MOV10L1: variants seen among roughly 807,000 people sequenced by gnomAD.
MOV10L1 encodes the protein Mov10 like RNA helicase 1, also known as RNA helicase Mov10l1.
MOV10L1 carries 110 observed loss-of-function variants against 143.8 expected under a neutral mutation model. The observed-to-expected ratio is 0.76, with a 90% CI of 0.66 to 0.90. The LOEUF is 0.90. Ranked by LOEUF, MOV10L1 falls within the 40% of genes least tolerant of loss-of-function variation. The probability of loss-of-function intolerance (pLI) is 0.00; values close to 1 mark genes in which losing one functional copy is unlikely to be tolerated. For missense variants in MOV10L1, 1,406 were observed against 1,526.8 expected (o/e 0.92, Z 1.32); for synonymous variants, 593 against 581.1 (o/e 1.02, Z -0.29).
At chr22:50,097,679 GGAGGTAT>G (rs2062623454) in intron 2 of MOV10L1, among the ~76,000 whole-genome samples, 1 of 152,134 alleles carries the variant, frequency 6.6e-6, no homozygotes, top group South Asian at 2.1e-4. Context: ...TTTGAAATCA[GGAGGTAT>G]GAAACCTTCA....
intron 17 of MOV10L1, 183 bp downstream of exon 17, chr22:50,143,404 A>C (rs2063046523): frequency 1.4e-6 from 1 of 697,392 alleles, no homozygotes; most frequent in Non-Finnish European, 2.4e-6. Context: ...AGCTTATTTC[A>C]TAGGTTTAGA....
At chr22:50,150,383 C>T (rs1045827974) in intron 20 of MOV10L1, among the ~76,000 whole-genome samples, 1 of 152,192 alleles carries the variant, frequency 6.6e-6, no homozygotes, top group African/African-American at 2.4e-5. Context: ...GGGCAAGAGG[C>T]AAGGGGCAGG....
chr22:50,115,418 A>T (rs1434878921), intron 8 of MOV10L1, among the ~76,000 whole-genome samples, 172 bp downstream of exon 8: 2 of 152,110 alleles, frequency 1.3e-5, no homozygotes, highest in South Asian at 2.1e-4. Flanking sequence ...TACAAAAATT[A>T]CTTGGGCCCC....
rs976855977 is a variant in MOV10L1 at position 50,160,627 on chromosome 22, T to G, written c.3325-61T>G. The stretch of plus-strand genomic sequence containing the variant: ...TTAAATGTTTTTATATATCAAGAGT[T>G]TCTCTTCATGCCCCCCAAAAACTTC... On this transcript the variant is annotated intron_variant, in intron 24 of 26. Coordinates refer to ENST00000262794, the MANE Select transcript of MOV10L1 (RefSeq NM_018995.3). 2.6e-5 allele frequency: 40 copies of G among 1,550,910 alleles called. No individual in the cohort carries two copies. The African/African-American group carries it at 5.4e-4, about 21-fold the overall frequency.
chr22:50,128,523 A>C lies in MOV10L1; in HGVS notation c.1910+16A>C, dbSNP rs781236274. 1.7e-5 allele frequency: 14 copies of C among 809,282 alleles called. No homozygotes were observed. Among genetic ancestry groups the C allele is most frequent in the Non-Finnish European group, 2.8e-5 (14 of 493,760 alleles). The allele number at this position is 809,282 out of a possible 1,614,324, so 50.1% of individuals were successfully genotyped here. On this transcript the variant is annotated intron_variant, in intron 13 of 26. Coordinates refer to ENST00000262794, the MANE Select transcript of MOV10L1 (RefSeq NM_018995.3). ...CATATAATAGGTAATGCTTTTAGTGAGTCTTCTTTCAAATGTCTTTTTTTT... is the reference window on the plus strand; with the variant it reads ...CATATAATAGGTAATGCTTTTAGTGCGTCTTCTTTCAAATGTCTTTTTTTT...
At chr22:50,105,348 T>C (rs565151686) in intron 3 of MOV10L1, among the ~76,000 whole-genome samples, 42 of 152,334 alleles carry the variant, frequency 2.8e-4, no homozygotes, top group African/African-American at 8.4e-4. Flanking sequence ...GTGTAGGCCT[T>C]CTCAGCGTCT....
intron 2 of MOV10L1, chr22:50,093,031 G>C (rs1667944432): frequency 6.6e-6 from 1 of 151,918 alleles, no homozygotes; most frequent in Non-Finnish European, 1.5e-5. Flanking sequence ...CTCCTGAGTA[G>C]CTGGGACTAC....
chr22:50,128,540 CTTTT>C (rs36022529), intron 13 of MOV10L1, 33 bp downstream of exon 13: 3,764 of 482,708 alleles, frequency 7.8e-3, no homozygotes, highest in East Asian at 0.017. Context: ...TTTCAAATGT[CTTTT>C]TTTTTTTTTT....
rs2062389052 is a variant in MOV10L1 at position 50,090,188 on chromosome 22, G to A, written c.97+3G>A. 7 of 1,417,150 alleles carry A rather than the reference G, an allele frequency of 4.9e-6. No homozygotes were observed. Among genetic ancestry groups the A allele is most frequent in the Non-Finnish European group, 6.4e-6 (7 of 1,086,768 alleles). The allele number at this position is 1,417,150 out of a possible 1,614,324, so 87.8% of individuals were successfully genotyped here. On this transcript the variant is annotated splice_donor_region_variant and intron_variant, in intron 1 of 26. Transcript: ENST00000262794. ...GCTGGAGCCCGAGCTCGCGGAAGGT[G>A]GCTCGCGGGAGGCGGCTGGGAGGCG...
In MOV10L1 at chr22:50,144,102, C is replaced by T; in HGVS notation, c.2364C>T (p.His788=). Residue 788 remains histidine, a synonymous_variant, in exon 18 of 27, where the codon CAC becomes CAT. Transcript: ENST00000262794. ...VTIIEAVLQV[H]FALPDSRILV... ...CTTGTGTGTCTTTGATGAAGGTACA[C>T]TTTGCCTTGCCGGACAGTCGGATTT... 6.2e-7 allele frequency: 1 copy of T among 1,608,670 alleles called. No individual in the cohort carries two copies. Among genetic ancestry groups the T allele is most frequent in the Middle Eastern group, 1.7e-4 (1 of 6,040 alleles).
At chr22:50,132,586 C>T (rs1263318020) in intron 13 of MOV10L1, among the ~76,000 whole-genome samples, 3 of 152,122 alleles carry the variant, frequency 2.0e-5, no homozygotes, top group Non-Finnish European at 2.9e-5. Context: ...GTAAATTTAA[C>T]TTAAATTTCT....
chr22:50,156,539 T>A (rs1389583230), intron 22 of MOV10L1, among the ~76,000 whole-genome samples: 2 of 152,222 alleles, frequency 1.3e-5, no homozygotes, highest in Non-Finnish European at 2.9e-5. Context: ...TTCCCTGCAG[T>A]GCCTAGCAGC....
chr22:50,152,093 C>A lies in MOV10L1; in HGVS notation c.2893-952C>A, dbSNP rs889685403. Among the ~76,000 whole-genome samples, 1 of 152,218 alleles carries A rather than the reference C, an allele frequency of 6.6e-6. No homozygotes were observed. The highest frequency in any genetic ancestry group is 2.1e-4 in the South Asian group (1 of 4,832). Reference sequence around the variant, plus strand: ...GGCTTGACAGAGTCGGGAGGACTCACGGGGCCAATCATGGCGTTCTCGTGC... The same window carrying A: ...GGCTTGACAGAGTCGGGAGGACTCAAGGGGCCAATCATGGCGTTCTCGTGC... On this transcript the variant is annotated intron_variant, in intron 21 of 26. Coordinates refer to ENST00000262794, the MANE Select transcript of MOV10L1 (RefSeq NM_018995.3). The surrounding 1 kb of genome is among the most constrained non-coding windows in gnomAD (Gnocchi z 4.4).
chr22:50,120,076 G>A (rs715616), intron 9 of MOV10L1, among the ~76,000 whole-genome samples: 73,606 of 151,960 alleles, frequency 0.48, 18,846 homozygotes, highest in Admixed American at 0.6. Context: ...AAAACAAATC[G>A]AAGGCAGGAC....
intron 18 of MOV10L1, among the ~76,000 whole-genome samples, chr22:50,144,594 T>TTG (rs2063087235): frequency 7.2e-5 from 11 of 152,056 alleles, no homozygotes; most frequent in Admixed American, 7.2e-4. Context: ...TTTGTTTTTT[T>TTG]TTTTTGAGAC....
chr22:50,135,823 G>C (rs536782339), intron 15 of MOV10L1, among the ~76,000 whole-genome samples: 1 of 151,330 alleles, frequency 6.6e-6, no homozygotes, highest in Admixed American at 6.6e-5. Context: ...TACATGCCAG[G>C]TATTGTCCTG....
At chr22:50,108,398 C>G (rs2061932538) in intron 4 of MOV10L1, 150 bp downstream of exon 4, 1 of 827,380 alleles carries the variant, frequency 1.2e-6, no homozygotes, top group Admixed American at 2.0e-5. Context: ...TTCCTATTGA[C>G]AATGCTGTGT....
In MOV10L1 at chr22:50,158,324, G is replaced by A. The variant is rs1030149314; in HGVS notation, c.3216+118G>A. On this transcript the variant is annotated intron_variant, in intron 23 of 26. Transcript: ENST00000262794. This position sits in a 1 kb window ranked among gnomAD's most constrained non-coding sequence, Gnocchi z 5.0. ...TGTGAGCAGCAGCAGGTTTTTAAAG[G>A]GGCAGGACCGCACTTGAATGTCGTT... The A allele has an allele frequency of 4.0e-6, 5 of 1,262,532 alleles. No individual in the cohort carries two copies. The highest frequency in any genetic ancestry group is 5.5e-6 in the Non-Finnish European group (5 of 915,394). 78.2% of individuals were successfully genotyped at this position (1,262,532 alleles called of 1,614,324 possible).
intron 15 of MOV10L1, among the ~76,000 whole-genome samples, chr22:50,141,290 C>T (rs972612345): frequency 1.3e-5 from 2 of 152,004 alleles, no homozygotes; most frequent in Non-Finnish European, 2.9e-5. Flanking sequence ...CCCGCCTCAG[C>T]CTCCCAAAGT....
Sources: gnomAD v4.1 joint callset for allele counts (sites outside exome capture counted in the v4.1 genomes callset) on GRCh38, gnomAD v4.1.1 for gene constraint, Gnocchi (gnomAD v3.1) non-coding constraint, MANE v1.5 for transcripts, NCBI Gene and HGNC (gene_info 2026-07-23, HGNC 2026-07-21) for gene names.